JAZF1: variants seen among roughly 807,000 people sequenced by gnomAD.
JAZF1 encodes juxtaposed with another zinc finger protein 1.
In JAZF1, 8 loss-of-function variants were observed where a neutral mutation model predicts 26.4. That is an observed-to-expected ratio of 0.30 (90% confidence interval 0.18 to 0.55). The LOEUF is 0.55. JAZF1 is among the 20% of genes least tolerant of loss of function. JAZF1 has a pLI of 0.94. For missense variants in JAZF1, 199 were observed against 322.0 expected (o/e 0.62, Z 2.92); for synonymous variants, 126 against 122.3 (o/e 1.03, Z -0.20).
Position 28,147,864 on chromosome 7 carries a change from T to G in JAZF1, c.115+32599A>C, listed in dbSNP as rs79050625. Among the ~76,000 whole-genome samples, 71 of 151,920 alleles carry G rather than the reference T, an allele frequency of 4.7e-4. 1 individual carries two copies. The highest frequency in any genetic ancestry group is 1.7e-3 in the African/African-American group (69 of 41,434). On this transcript the variant is annotated intron_variant, in intron 1 of 4. Coordinates refer to ENST00000283928, the MANE Select transcript of JAZF1 (RefSeq NM_175061.4). ...GATTGAGGCTGCAGTGAGCACTGAT[T>G]GCACCACTACACCCCAGCCTGAGTG...
At chr7:27,878,766 G>A (rs906472466) in intron 3 of JAZF1, among the ~76,000 whole-genome samples, 1 of 152,112 alleles carries the variant, frequency 6.6e-6, no homozygotes, top group Non-Finnish European at 1.5e-5. Flanking sequence ...GGTGGAATAG[G>A]GAATGGAGTC....
At position 28,022,654 on chromosome 7, in the gene JAZF1, C is replaced by G. The variant is rs558908238; in HGVS notation, c.116-30673G>C. 2.0e-5 allele frequency among the ~76,000 whole-genome samples: 3 copies of G among 152,264 alleles called. No individual in the cohort carries two copies. In the East Asian group the frequency reaches 5.8e-4, roughly 29 times the overall value. On this transcript the variant is annotated intron_variant, in intron 1 of 4. Transcript: ENST00000283928. ...GCATTTTACTATATCCTTTACTATT[C>G]TCTTAGTCTTCTTTGCATATATATT...
intron 1 of JAZF1, among the ~76,000 whole-genome samples, chr7:28,053,603 A>G (rs772759375): frequency 1.3e-5 from 2 of 152,252 alleles, no homozygotes; most frequent in Admixed American, 1.3e-4. Context: ...ACAATAGATA[A>G]AACAGTATTT....
intron 3 of JAZF1, chr7:27,841,351 G>A (rs1197383311): frequency 6.5e-6 from 1 of 152,802 alleles, no homozygotes; most frequent in Non-Finnish European, 1.5e-5. Context: ...GACTTTTAAG[G>A]CATTTCTACT....
At chr7:27,983,707 C>T (rs1212801364) in intron 2 of JAZF1, among the ~76,000 whole-genome samples, 4 of 152,182 alleles carry the variant, frequency 2.6e-5, no homozygotes, top group Non-Finnish European at 4.4e-5. Flanking sequence ...AGAGAAAGGT[C>T]GGGTTACCCA....
chr7:28,076,327 T>C (rs1374224182), intron 1 of JAZF1, among the ~76,000 whole-genome samples: 2 of 152,190 alleles, frequency 1.3e-5, no homozygotes, highest in Non-Finnish European at 2.9e-5. Context: ...AATGAAAGGT[T>C]TGAAGGGAGC....
At chr7:27,896,948 C>T (rs1784075918) in intron 2 of JAZF1, among the ~76,000 whole-genome samples, 1 of 152,224 alleles carries the variant, frequency 6.6e-6, no homozygotes, top group Non-Finnish European at 1.5e-5. Flanking sequence ...GAATTGTTTG[C>T]ACCTGGTAGC....
chr7:28,100,443 C>G (rs111650169), intron 1 of JAZF1, among the ~76,000 whole-genome samples: 3,487 of 151,900 alleles, frequency 0.023, 138 homozygotes, highest in African/African-American at 0.08. Flanking sequence ...ATAATAATAA[C>G]AAGATATAAT....
chr7:28,060,279 T>C (rs955807032), intron 1 of JAZF1, among the ~76,000 whole-genome samples: 3 of 152,230 alleles, frequency 2.0e-5, no homozygotes, highest in Admixed American at 1.3e-4. Context: ...ACTTATTTTA[T>C]GTATTATGTC....
intron 4 of JAZF1, among the ~76,000 whole-genome samples, chr7:27,834,629 G>A (rs896670431): frequency 6.6e-6 from 1 of 152,214 alleles, no homozygotes; most frequent in Non-Finnish European, 1.5e-5. Flanking sequence ...GGTGGTGGTA[G>A]AATCAGACCC....
intron 3 of JAZF1, among the ~76,000 whole-genome samples, chr7:27,870,245 C>A (rs1195303943): frequency 2.0e-5 from 3 of 151,924 alleles, no homozygotes; most frequent in Admixed American, 2.0e-4. Flanking sequence ...TTTAGAAAGC[C>A]CCCATAAGCT....
intron 1 of JAZF1, among the ~76,000 whole-genome samples, chr7:28,107,798 A>G (rs1427251468): frequency 6.6e-6 from 1 of 152,224 alleles, no homozygotes; most frequent in Non-Finnish European, 1.5e-5. Flanking sequence ...ACTGCCAGAG[A>G]ATGCATACGG....
intron 3 of JAZF1, among the ~76,000 whole-genome samples, chr7:27,876,128 C>T (rs1330515077): frequency 6.6e-6 from 1 of 152,202 alleles, no homozygotes; most frequent in Non-Finnish European, 1.5e-5. Flanking sequence ...GTGCCCAGTA[C>T]ATCCTGGGTG....
intron 1 of JAZF1, among the ~76,000 whole-genome samples, chr7:28,164,939 C>T (rs971656238): frequency 1.4e-4 from 22 of 152,082 alleles, no homozygotes; most frequent in African/African-American, 4.1e-4. Flanking sequence ...GAGGCCTAGG[C>T]GGAAGGATCA....
intron 2 of JAZF1, among the ~76,000 whole-genome samples, chr7:27,905,002 C>T (rs1228532918): frequency 2.6e-5 from 4 of 152,228 alleles, no homozygotes; most frequent in Non-Finnish European, 4.4e-5. Flanking sequence ...GGTGCCATCA[C>T]GGCTCATTGC....
At chr7:28,119,402 C>G (rs1367246467) in intron 1 of JAZF1, among the ~76,000 whole-genome samples, 1 of 152,142 alleles carries the variant, frequency 6.6e-6, no homozygotes, top group Non-Finnish European at 1.5e-5. Flanking sequence ...TCCAACTTAT[C>G]TGGACTCCTT....
intron 4 of JAZF1, among the ~76,000 whole-genome samples, chr7:27,836,825 C>T (rs1782822257): frequency 6.6e-6 from 1 of 152,148 alleles, no homozygotes; most frequent in South Asian, 2.1e-4. Flanking sequence ...TGCCTCTTCC[C>T]TCAGTCATTT....
intron 3 of JAZF1, among the ~76,000 whole-genome samples, chr7:27,863,350 AG>A (rs1483483189): frequency 6.6e-6 from 1 of 152,120 alleles, no homozygotes; most frequent in African/African-American, 2.4e-5. Flanking sequence ...TCCCCGCCAC[AG>A]GGCCTTCTTC....
chr7:27,847,260 G>A (rs1016465915), intron 3 of JAZF1, among the ~76,000 whole-genome samples: 1 of 151,698 alleles, frequency 6.6e-6, no homozygotes, highest in Admixed American at 6.6e-5. Flanking sequence ...ACAGTGCTGG[G>A]ATTACAGGCA....
Sources: allele counts gnomAD v4.1 joint callset (sites outside exome capture counted in the v4.1 genomes callset), GRCh38; gene constraint gnomAD v4.1.1; transcripts MANE v1.5; gene names NCBI Gene and HGNC (gene_info 2026-07-23, HGNC 2026-07-21).